The following NWD2 variants were observed in gnomAD, a reference collection of about 807,000 sequenced individuals.
NWD2 encodes the protein NACHT and WD repeat domain containing 2.
In NWD2, 37 loss-of-function variants were observed where a neutral mutation model predicts 132.7. The observed-to-expected ratio is 0.28, with a 90% CI of 0.21 to 0.37. The LOEUF is 0.37. Ranked by LOEUF, NWD2 falls within the 10% of genes least tolerant of loss-of-function variation. The pLI, the probability that NWD2 is intolerant of heterozygous loss-of-function variation, is 1.00. For synonymous variants in NWD2, 705 were observed against 803.0 expected (o/e 0.88, Z 2.06); for missense variants, 1,592 against 2,122.4 (o/e 0.75, Z 4.91).
chr4:37,431,098 C>T (rs565122693), intron 4 of NWD2, among the ~76,000 whole-genome samples: 2 of 152,154 alleles, frequency 1.3e-5, no homozygotes, highest in Non-Finnish European at 2.9e-5. Context: ...CTCTGGGAAA[C>T]AGTATAGCAG....
At chr4:37,306,880 C>T (rs1399542908) in intron 1 of NWD2, among the ~76,000 whole-genome samples, 2 of 152,020 alleles carry the variant, frequency 1.3e-5, no homozygotes, top group Non-Finnish European at 2.9e-5. Flanking sequence ...AAAAATTAGC[C>T]AGGCGTGGTG....
At chr4:37,390,711 T>C (rs915031048) in intron 3 of NWD2, among the ~76,000 whole-genome samples, 3 of 152,166 alleles carry the variant, frequency 2.0e-5, no homozygotes, top group African/African-American at 7.2e-5. Context: ...CTTAGTTTTG[T>C]GCATGAGAGA....
intron 3 of NWD2, 33 bp downstream of exon 3, chr4:37,356,515 CT>C: frequency 2.3e-6 from 3 of 1,286,058 alleles, no homozygotes; most frequent in East Asian, 5.0e-5. Flanking sequence ...TTTATATTAA[CT>C]TTTAGATGAA....
chr4:37,252,840 C>A (rs776836252), intron 1 of NWD2, among the ~76,000 whole-genome samples: 3 of 152,154 alleles, frequency 2.0e-5, no homozygotes, highest in Non-Finnish European at 2.9e-5. Context: ...GCTTGGAAGT[C>A]CCAGAATGTT....
intron 1 of NWD2, among the ~76,000 whole-genome samples, chr4:37,268,218 C>T (rs980867817): frequency 1.1e-4 from 16 of 151,886 alleles, no homozygotes; most frequent in African/African-American, 3.9e-4. Flanking sequence ...TGTTTTTACA[C>T]ATTCCCCCAA....
At chr4:37,343,485 T>C (rs1343477119) in intron 2 of NWD2, among the ~76,000 whole-genome samples, 1 of 152,200 alleles carries the variant, frequency 6.6e-6, no homozygotes, top group Non-Finnish European at 1.5e-5. Context: ...AAATACCATT[T>C]TTAATCAAAA....
At position 37,358,296 on chromosome 4, in the gene NWD2, A is replaced by G. The variant is rs1311104962; in HGVS notation, c.357+1814A>G. Among the ~76,000 whole-genome samples, 8 of 152,220 alleles carry G rather than the reference A, an allele frequency of 5.3e-5. No individual in the cohort carries two copies. The East Asian group carries it at 9.7e-4, about 18-fold the overall frequency. ...CTGGGTGAAGAATAGGGAACAGAGCAGGCAGACCTTTAGAGAGCTACTGCA... is the reference window on the plus strand; with the variant it reads ...CTGGGTGAAGAATAGGGAACAGAGCGGGCAGACCTTTAGAGAGCTACTGCA... On this transcript the variant is annotated intron_variant, in intron 3 of 6. Coordinates refer to ENST00000309447, the MANE Select transcript of NWD2 (RefSeq NM_001144990.2).
At chr4:37,302,649 G>C (rs552866289) in intron 1 of NWD2, among the ~76,000 whole-genome samples, 54 of 151,880 alleles carry the variant, frequency 3.6e-4, no homozygotes, top group Admixed American at 9.2e-4. Context: ...TTTGATAATA[G>C]CCATTTTAAC....
chr4:37,421,069 G>T (rs1029769319), intron 3 of NWD2, among the ~76,000 whole-genome samples: 2 of 152,104 alleles, frequency 1.3e-5, no homozygotes, highest in Admixed American at 6.5e-5. Flanking sequence ...AGCCTCTGGA[G>T]TAGCTGGAAT....
chr4:37,392,764 A>G (rs142150543), intron 3 of NWD2, among the ~76,000 whole-genome samples: 4 of 152,316 alleles, frequency 2.6e-5, no homozygotes, highest in Non-Finnish European at 4.4e-5. Flanking sequence ...AGGGCACTCA[A>G]TAAATGCCTC....
intron 3 of NWD2, among the ~76,000 whole-genome samples, chr4:37,375,607 C>T (rs1300274566): frequency 1.4e-5 from 2 of 146,098 alleles, no homozygotes; most frequent in Non-Finnish European, 3.0e-5. Context: ...CTGGCTCTGT[C>T]ACCCAGGCTG....
At chr4:37,321,155 C>CA (rs1256902453) in intron 1 of NWD2, among the ~76,000 whole-genome samples, 3 of 150,930 alleles carry the variant, frequency 2.0e-5, no homozygotes, top group South Asian at 2.1e-4. Flanking sequence ...AACTGTGTCT[C>CA]AAAAAAAAGA....
At chr4:37,318,346 A>G (rs1177356929) in intron 1 of NWD2, among the ~76,000 whole-genome samples, 1 of 152,094 alleles carries the variant, frequency 6.6e-6, no homozygotes, top group Non-Finnish European at 1.5e-5. Context: ...AATTTCTAAG[A>G]TGTAAGGATG....
At chr4:37,313,577 C>G (rs1163554923) in intron 1 of NWD2, among the ~76,000 whole-genome samples, 1 of 150,928 alleles carries the variant, frequency 6.6e-6, no homozygotes, top group Non-Finnish European at 1.5e-5. Context: ...TTCAAAAAAC[C>G]AGCTCTTGGA....
intron 1 of NWD2, among the ~76,000 whole-genome samples, chr4:37,319,355 T>G (rs979890830): frequency 6.6e-6 from 1 of 152,238 alleles, no homozygotes; most frequent in African/African-American, 2.4e-5. Context: ...TTTAAGCTTC[T>G]TAGAGATTCT....
At chr4:37,295,810 T>G (rs1718478607) in intron 1 of NWD2, among the ~76,000 whole-genome samples, 1 of 152,234 alleles carries the variant, frequency 6.6e-6, no homozygotes, top group African/African-American at 2.4e-5. Flanking sequence ...TGTAATTCAT[T>G]ACTGTACCAC....
intron 3 of NWD2, among the ~76,000 whole-genome samples, chr4:37,369,534 T>G (rs1350314246): frequency 6.6e-6 from 1 of 152,204 alleles, no homozygotes; most frequent in Non-Finnish European, 1.5e-5. Flanking sequence ...TTAGGTGGTA[T>G]GAGAGGAGAG....
intron 1 of NWD2, among the ~76,000 whole-genome samples, chr4:37,258,882 C>T (rs1717573047): frequency 6.6e-6 from 1 of 152,148 alleles, no homozygotes; most frequent in African/African-American, 2.4e-5. Context: ...TTAACTATGT[C>T]AAGGGAAAAG....
chr4:37,287,000 A>G (rs1577655978), intron 1 of NWD2, among the ~76,000 whole-genome samples: 2 of 152,138 alleles, frequency 1.3e-5, no homozygotes, highest in Non-Finnish European at 1.5e-5. Flanking sequence ...TGACGAGGTG[A>G]CTGACGTGAT....
Sources: allele counts gnomAD v4.1 joint callset (sites outside exome capture counted in the v4.1 genomes callset), GRCh38; gene constraint gnomAD v4.1.1; transcripts MANE v1.5; gene names NCBI Gene and HGNC (gene_info 2026-07-23, HGNC 2026-07-21).